Variants in LRRC37B observed in about 807,000 individuals in gnomAD.
LRRC37B encodes the protein leucine-rich repeat-containing protein 37B.
In LRRC37B, 28 loss-of-function variants were observed where a neutral mutation model predicts 98.3. That is an observed-to-expected ratio of 0.28 (90% confidence interval 0.21 to 0.39). LRRC37B has a LOEUF of 0.39. LRRC37B is among the 10% of genes least tolerant of loss of function. The pLI is 1.00. For synonymous variants in LRRC37B, 364 were observed against 442.7 expected (o/e 0.82, Z 2.23); for missense variants, 938 against 1,182.7 (o/e 0.79, Z 3.03).
intron 7 of LRRC37B, among the ~76,000 whole-genome samples, chr17:32,043,700 T>C: frequency 6.6e-6 from 1 of 152,224 alleles, no homozygotes; most frequent in East Asian, 1.9e-4. Context: ...CTTGTGATTA[T>C]TCCTCTATAG....
At chr17:32,033,470 G>A (rs1450567088) in intron 5 of LRRC37B, among the ~76,000 whole-genome samples, 2 of 152,252 alleles carry the variant, frequency 1.3e-5, no homozygotes, top group African/African-American at 2.4e-5. Context: ...TTCATACAGA[G>A]TAAGCACGTG....
At chr17:32,036,830 G>A (rs976442424) in intron 7 of LRRC37B, among the ~76,000 whole-genome samples, 3 of 151,870 alleles carry the variant, frequency 2.0e-5, no homozygotes, top group Non-Finnish European at 2.9e-5. Flanking sequence ...CATTTCTTTG[G>A]GTAAATACCT....
chr17:32,024,743 A>T (rs758593716), exon 2 of LRRC37B: 1 of 1,606,192 alleles, frequency 6.2e-7, no homozygotes, highest in African/African-American at 1.3e-5. Context: ...TCATACCTTG[A>T]TGGAAATGTA....
chr17:32,043,101 A>G (rs2449785), intron 7 of LRRC37B, among the ~76,000 whole-genome samples: 2 of 152,236 alleles, frequency 1.3e-5, no homozygotes, highest in Admixed American at 1.3e-4. Context: ...TTTGTCCAGA[A>G]AATGTATAAA....
intron 5 of LRRC37B, among the ~76,000 whole-genome samples, chr17:32,032,684 C>A (rs1240792577): frequency 2.0e-5 from 3 of 152,184 alleles, no homozygotes; most frequent in African/African-American, 7.2e-5. Context: ...AGATGCTCCT[C>A]TCTGTCTTCA....
exon 1 of LRRC37B, chr17:32,021,172 C>A (rs1409939860): frequency 1.4e-5 from 23 of 1,613,604 alleles, no homozygotes; most frequent in Non-Finnish European, 1.9e-5. Context: ...TTCTGGGGCC[C>A]ATGGCCCCTC....
chr17:32,014,365 TG>T (rs1275283159), intron 1 of LRRC37B, among the ~76,000 whole-genome samples: 7 of 152,304 alleles, frequency 4.6e-5, no homozygotes, highest in Admixed American at 4.6e-4. Flanking sequence ...TTTAAAGTAC[TG>T]AGAGAAATGT....
At chr17:32,045,168 G>A (rs1174925882) in intron 7 of LRRC37B, among the ~76,000 whole-genome samples, 1 of 151,876 alleles carries the variant, frequency 6.6e-6, no homozygotes, top group Non-Finnish European at 1.5e-5. Context: ...TATATATTAT[G>A]TTGTAGCTTA....
chr17:32,050,555 T>C (rs2627111), intron 11 of LRRC37B: 14,716 of 163,690 alleles, frequency 0.09, 879 homozygotes, highest in Middle Eastern at 0.13. Context: ...TGTAGACTTA[T>C]TAGATTCACA....
chr17:32,049,311 G>C (rs1292990655), exon 10 of LRRC37B: 1 of 1,613,850 alleles, frequency 6.2e-7, no homozygotes, highest in Non-Finnish European at 8.5e-7. Flanking sequence ...ATTGAATGTA[G>C]AATGGGATAC....
At chr17:32,007,524 C>T (rs552768909), upstream of LRRC37B, among the ~76,000 whole-genome samples, 19 of 146,838 alleles carry the variant, frequency 1.3e-4, no homozygotes, top group South Asian at 7.0e-4. The surrounding 1 kb of genome is among the most constrained non-coding windows in gnomAD (Gnocchi z 4.1). Context: ...GGCCTCCCAA[C>T]CCGGCCCCGG....
intron 1 of LRRC37B, among the ~76,000 whole-genome samples, chr17:32,024,298 G>C (rs553941079): frequency 6.6e-6 from 1 of 152,218 alleles, no homozygotes; most frequent in South Asian, 2.1e-4. Flanking sequence ...CAAAGCTTTG[G>C]TGTTGCCTGG....
chr17:32,022,920 C>A, intron 1 of LRRC37B, 95 bp downstream of exon 4: 1 of 1,208,188 alleles, frequency 8.3e-7, no homozygotes, highest in South Asian at 1.3e-5. Flanking sequence ...TCTCCCCAAG[C>A]CATACTGACA....
At chr17:32,030,711 C>G (rs763459056) in exon 4 of LRRC37B, 1 of 1,457,338 alleles carries the variant, frequency 6.9e-7, no homozygotes, top group Non-Finnish European at 9.3e-7. Flanking sequence ...TGAATCACTA[C>G]CATTTTTGCA....
chr17:32,015,387 G>A (rs776960927), intron 1 of LRRC37B, among the ~76,000 whole-genome samples: 69 of 152,186 alleles, frequency 4.5e-4, no homozygotes, highest in Non-Finnish European at 8.1e-4. Context: ...GTTTATAGAT[G>A]TGTAATAGCA....
chr17:32,039,508 ATATATATATATATATG>A (rs1365119732), intron 7 of LRRC37B, among the ~76,000 whole-genome samples: 653 of 43,908 alleles, frequency 0.015, 35 homozygotes, highest in African/African-American at 0.02. Flanking sequence ...ATATATATAT[ATATATATATATATATG>A]TATGTATTTT....
chr17:32,043,875 GCC>G (rs11297041), intron 7 of LRRC37B, among the ~76,000 whole-genome samples: 1 of 149,646 alleles, frequency 6.7e-6, no homozygotes, highest in African/African-American at 2.5e-5. Context: ...CTCAAAAGAG[GCC>G]CCCCCTACAA....
intron 5 of LRRC37B, chr17:32,033,950 C>T (rs1337074491): frequency 2.6e-5 from 4 of 152,008 alleles, no homozygotes; most frequent in South Asian, 2.1e-4. Flanking sequence ...ATGACAATGA[C>T]AATAAGATGT....
At chr17:32,007,852 C>T (rs1245334062), upstream of LRRC37B, 7 of 1,155,144 alleles carry the variant, frequency 6.1e-6, no homozygotes, top group East Asian at 3.9e-5. The surrounding 1 kb of genome is among the most constrained non-coding windows in gnomAD (Gnocchi z 4.1). Flanking sequence ...CGCCCCGCGC[C>T]GGCACCAGCG....
Sources: allele counts gnomAD v4.1 joint callset (sites outside exome capture counted in the v4.1 genomes callset), GRCh38; gene constraint gnomAD v4.1.1; non-coding constraint Gnocchi (gnomAD v3.1); transcripts MANE v1.5; gene names NCBI Gene and HGNC (gene_info 2026-07-23, HGNC 2026-07-21).